HEPACAM2: variants seen among roughly 807,000 people sequenced by gnomAD.
HEPACAM2 encodes the protein HEPACAM family member 2.
HEPACAM2 carries 49 observed loss-of-function variants against 49.6 expected under a neutral mutation model. The observed-to-expected ratio is 0.99, with a 90% CI of 0.78 to 1.25. HEPACAM2 has a LOEUF of 1.25. HEPACAM2 is among the 50% of genes most tolerant of loss of function. HEPACAM2 has a pLI of 0.00. For synonymous variants in HEPACAM2, 197 were observed against 202.9 expected (o/e 0.97, Z 0.25); for missense variants, 525 against 557.2 (o/e 0.94, Z 0.58).
Position 93,201,128 on chromosome 7 carries a change from A to G in HEPACAM2, c.1013-3518T>C, listed in dbSNP as rs563081598. Among the ~76,000 whole-genome samples the G allele has an allele frequency of 1.1e-3, 164 of 152,228 alleles. 2 individuals carry two copies. The highest frequency in any genetic ancestry group is 2.9e-4 in the Non-Finnish European group (20 of 67,994). On this transcript the variant is annotated intron_variant, in intron 4 of 9. Coordinates refer to ENST00000394468, the MANE Select transcript of HEPACAM2 (RefSeq NM_001039372.4). The stretch of plus-strand genomic sequence containing the variant: ...TGATATTTTTTCTCATCAATATTAT[A>G]ATGAAATGATGTTGAAATGAAATAA...
rs1320336026 is a variant in HEPACAM2, at chr7:93,200,232, C to T, written c.1013-2622G>A. On this transcript the variant is annotated intron_variant, in intron 4 of 9. Transcript: ENST00000394468. ...TGTGATTTTTTTCGGTCAATTTTTG[C>T]TATTTATTAGGTGCACTTCCTAATG... Among the ~76,000 whole-genome samples, 3 of 151,862 alleles carry T rather than the reference C, an allele frequency of 2.0e-5. No individual in the cohort carries two copies. The East Asian group carries it at 5.8e-4, about 29-fold the overall frequency.
At chr7:93,196,408 G>A (rs1160209378) in intron 7 of HEPACAM2, among the ~76,000 whole-genome samples, 1 of 152,116 alleles carries the variant, frequency 6.6e-6, no homozygotes, top group Non-Finnish European at 1.5e-5. Context: ...ATCATCTATA[G>A]AATGATGGCG....
intron 4 of HEPACAM2, among the ~76,000 whole-genome samples, chr7:93,198,696 C>A (rs1440520324): frequency 2.0e-5 from 3 of 152,032 alleles, no homozygotes; most frequent in Admixed American, 6.6e-5. Flanking sequence ...GAGTGAAAGT[C>A]ATGTGATGCC....
intron 4 of HEPACAM2, among the ~76,000 whole-genome samples, chr7:93,201,190 T>C (rs1326143169): frequency 1.3e-5 from 2 of 152,086 alleles, no homozygotes; most frequent in Non-Finnish European, 2.9e-5. Context: ...TATGCTAGCT[T>C]TCTTTTTTGT....
chr7:93,215,284 A>T, intron 3 of HEPACAM2, 117 bp downstream of exon 3: 1 of 857,964 alleles, frequency 1.2e-6, no homozygotes, highest in Non-Finnish European at 1.8e-6. Flanking sequence ...CTATTGAACT[A>T]CAATAATGGT....
chr7:93,190,279 C>T (rs1793509284), intron 9 of HEPACAM2, among the ~76,000 whole-genome samples: 1 of 151,764 alleles, frequency 6.6e-6, no homozygotes, highest in African/African-American at 2.4e-5. Flanking sequence ...AATATTGGCT[C>T]CCCGTTTAGA....
chr7:93,192,261 G>A lies in HEPACAM2; in HGVS notation c.1378C>T (p.His460Tyr). ...ATGCAGATTCGTACTTACTCTGGAT[G>A]GTCTTGCTGCTGGGCAGGGATGTGC... ...IQHIPAQQQD[H>Y]PE The change falls in exon 9 of 10, where the codon CAT (histidine) becomes TAT (tyrosine). Residue 460 changes from histidine (H) to tyrosine (Y), a missense_variant. By Grantham distance (83) the His-to-Tyr change is moderately conservative. Transcript: ENST00000394468. 6.2e-7 allele frequency: 1 copy of A among 1,609,666 alleles called. No homozygotes were observed. The highest frequency in any genetic ancestry group is 2.2e-5 in the East Asian group (1 of 44,824).
At chr7:93,228,193 GT>G (rs1225153685), upstream of HEPACAM2, among the ~76,000 whole-genome samples, 2 of 151,932 alleles carry the variant, frequency 1.3e-5, no homozygotes. Flanking sequence ...AATGTACTGT[GT>G]TTTTCCCTAG....
At chr7:93,208,145 G>A (rs182252635) in intron 4 of HEPACAM2, among the ~76,000 whole-genome samples, 1 of 152,100 alleles carries the variant, frequency 6.6e-6, no homozygotes, top group East Asian at 1.9e-4. Context: ...GGAAGAGGAA[G>A]GGGAGCCCAT....
At position 93,192,253 on chromosome 7, in the gene HEPACAM2, C is replaced by A; in HGVS notation, c.1385+1G>T. 6.2e-7 allele frequency: 1 copy of A among 1,607,500 alleles called. No individual in the cohort carries two copies. The highest frequency in any genetic ancestry group is 8.5e-7 in the Non-Finnish European group (1 of 1,174,580). On this transcript the variant is annotated splice_donor_variant, in intron 9 of 9. Coordinates refer to ENST00000394468, the MANE Select transcript of HEPACAM2 (RefSeq NM_001039372.4). LOFTEE classifies it high-confidence loss of function. ...ACCATCAAATGCAGATTCGTACTTA[C>A]TCTGGATGGTCTTGCTGCTGGGCAG...
Position 93,208,722 on chromosome 7 carries a change from TG to T in HEPACAM2, c.869del (p.Thr290AsnfsTer10), listed in dbSNP as rs1193974267. ...YSWIRRTDNT[T>X]YIIKHGPRLE... ...AGCGAGGCCCATGCTTAATGATATA[TG>T]TAGTATTGTCAGTCCTCCTAATCCA... On this transcript the variant is annotated frameshift_variant, in exon 4 of 10. Coordinates refer to ENST00000394468, the MANE Select transcript of HEPACAM2 (RefSeq NM_001039372.4). LOFTEE classifies it high-confidence loss of function. The T allele has an allele frequency of 1.9e-6, 3 of 1,613,238 alleles. No individual in the cohort carries two copies. In the South Asian group the frequency reaches 3.3e-5, roughly 18 times the overall value.
At chr7:93,196,776 G>T (rs1312047919) in intron 7 of HEPACAM2, among the ~76,000 whole-genome samples, 1 of 152,136 alleles carries the variant, frequency 6.6e-6, no homozygotes, top group East Asian at 1.9e-4. Flanking sequence ...GATAATGAGG[G>T]TTACAGTGGG....
chr7:93,194,130 T>C (rs1793623957), intron 8 of HEPACAM2, among the ~76,000 whole-genome samples: 1 of 152,166 alleles, frequency 6.6e-6, no homozygotes, highest in South Asian at 2.1e-4. Flanking sequence ...TTAAAGCCCC[T>C]ATTTCTCTGC....
At chr7:93,200,670 C>T (rs1263361164) in intron 4 of HEPACAM2, among the ~76,000 whole-genome samples, 1 of 152,084 alleles carries the variant, frequency 6.6e-6, no homozygotes, top group Non-Finnish European at 1.5e-5. Flanking sequence ...AAAAGCACCT[C>T]CTAGCATCAT....
intron 3 of HEPACAM2, among the ~76,000 whole-genome samples, chr7:93,209,733 C>A (rs368381603): frequency 1.3e-5 from 2 of 151,912 alleles, no homozygotes; most frequent in African/African-American, 2.4e-5. Context: ...GAGATTATGG[C>A]CACTATTTTC....
chr7:93,227,938 C>T (rs1380601437), upstream of HEPACAM2, among the ~76,000 whole-genome samples: 1 of 152,158 alleles, frequency 6.6e-6, no homozygotes, highest in Admixed American at 6.5e-5. Flanking sequence ...TGCTCCTTGG[C>T]CCGTCTTACG....
chr7:93,195,996 A>G (rs896270042), intron 7 of HEPACAM2, 95 bp from the exon 8 acceptor site: 1 of 842,434 alleles, frequency 1.2e-6, no homozygotes, highest in Non-Finnish European at 2.0e-6. Flanking sequence ...TGTCTGTTTT[A>G]AATGGTATAG....
intron 4 of HEPACAM2, among the ~76,000 whole-genome samples, chr7:93,202,415 G>A (rs1793918934): frequency 6.6e-6 from 1 of 151,936 alleles, no homozygotes; most frequent in Non-Finnish European, 1.5e-5. Context: ...GAGTAGACAG[G>A]TTTTTTTCTG....
At chr7:93,197,459 A>G (rs754370032) in intron 5 of HEPACAM2, 26 bp downstream of exon 5, 2 of 1,394,274 alleles carry the variant, frequency 1.4e-6, no homozygotes, top group Non-Finnish European at 1.9e-6. Context: ...TACAGCTTCA[A>G]TTTTTTTTTT....
Sources: gnomAD v4.1 joint callset for allele counts (sites outside exome capture counted in the v4.1 genomes callset) on GRCh38, gnomAD v4.1.1 for gene constraint, MANE v1.5 for transcripts, NCBI Gene and HGNC (gene_info 2026-07-23, HGNC 2026-07-21) for gene names.